CAMKMT: variants seen among roughly 807,000 people sequenced by gnomAD.
The protein encoded by CAMKMT is calmodulin-lysine N-methyltransferase.
Under a neutral mutation model 48.0 loss-of-function variants are expected in CAMKMT, and 53 were observed. The observed-to-expected ratio is 1.10, with a 90% CI of 0.89 to 1.39. The LOEUF is 1.39. Among genes scored for constraint, CAMKMT ranks in the 40% most tolerant of loss-of-function variants. The pLI is 0.00. For synonymous variants in CAMKMT, 165 were observed against 152.3 expected, an observed-to-expected ratio of 1.08 and a Z score of -0.61; for missense variants, 428 against 402.7, an observed-to-expected ratio of 1.06 and a Z score of -0.54.
chr2:44,373,857 C>T (rs1679415984), intron 2 of CAMKMT, among the ~76,000 whole-genome samples: 2 of 152,192 alleles, frequency 1.3e-5, no homozygotes, highest in African/African-American at 4.8e-5. Context: ...GGCGCAGTGG[C>T]TCATGCCTGT....
intron 3 of CAMKMT, among the ~76,000 whole-genome samples, chr2:44,507,073 C>T (rs1190078430): frequency 1.3e-5 from 2 of 149,250 alleles, no homozygotes; most frequent in African/African-American, 4.9e-5. Flanking sequence ...TTTGTGCAAT[C>T]TTTTTTTTTT....
chr2:44,691,548 A>T (rs1290535009), intron 3 of CAMKMT, among the ~76,000 whole-genome samples: 1 of 152,232 alleles, frequency 6.6e-6, no homozygotes, highest in African/African-American at 2.4e-5. Context: ...TATTGTTGAA[A>T]TACTTGAGTA....
chr2:44,453,239 A>G (rs1667386428), intron 3 of CAMKMT, among the ~76,000 whole-genome samples: 1 of 152,058 alleles, frequency 6.6e-6, no homozygotes, highest in Non-Finnish European at 1.5e-5. Context: ...GTGCATATTT[A>G]CTTATACTCA....
chr2:44,655,463 C>G lies in CAMKMT; in HGVS notation c.377-48820C>G, dbSNP rs1219695901. ...ATGTCATTGGACCATGAACTAATCT[C>G]CCTTCCCCCTCCCCATTTTACCCAC... On this transcript the variant is annotated intron_variant, in intron 3 of 10. Coordinates refer to ENST00000378494, the MANE Select transcript of CAMKMT (RefSeq NM_024766.5). Among the ~76,000 whole-genome samples the G allele has an allele frequency of 5.3e-5, 8 of 152,272 alleles. No homozygotes were observed. In the East Asian group the frequency reaches 1.5e-3, roughly 29 times the overall value.
At chr2:44,371,067 C>T (rs575055904) in intron 1 of CAMKMT, among the ~76,000 whole-genome samples, 2 of 152,324 alleles carry the variant, frequency 1.3e-5, no homozygotes, top group Non-Finnish European at 2.9e-5. Flanking sequence ...TTACTGCAAC[C>T]TCTGCCTCCT....
At chr2:44,522,301 G>A (rs187233018) in intron 3 of CAMKMT, among the ~76,000 whole-genome samples, 3 of 151,904 alleles carry the variant, frequency 2.0e-5, no homozygotes, top group Non-Finnish European at 2.9e-5. Flanking sequence ...CACCGAGCCC[G>A]GCCCCTCTTT....
chr2:44,456,776 G>C, intron 3 of CAMKMT: 1 of 603,304 alleles, frequency 1.7e-6, no homozygotes, highest in Non-Finnish European at 2.7e-6. Flanking sequence ...TTTTCTGGGA[G>C]ATCATTAATC....
At chr2:44,770,490 TATATTA>T (rs1681058473) in intron 10 of CAMKMT, among the ~76,000 whole-genome samples, 1 of 152,254 alleles carries the variant, frequency 6.6e-6, no homozygotes, top group Non-Finnish European at 1.5e-5. Flanking sequence ...TGAGTCTCTG[TATATTA>T]GTGCATTGTG....
intron 3 of CAMKMT, among the ~76,000 whole-genome samples, chr2:44,675,056 T>C (rs575452426): frequency 1.2e-4 from 18 of 150,192 alleles, no homozygotes; most frequent in Non-Finnish European, 2.2e-4. Flanking sequence ...TTTGCAAACA[T>C]GCTCGGGATT....
chr2:44,366,154 A>G (rs1310470006), intron 1 of CAMKMT, among the ~76,000 whole-genome samples: 2 of 152,216 alleles, frequency 1.3e-5, no homozygotes, highest in East Asian at 3.8e-4. Flanking sequence ...TTTCAGCTCT[A>G]TGTTATTAGT....
At chr2:44,417,521 A>G (rs992261712) in intron 3 of CAMKMT, among the ~76,000 whole-genome samples, 19 of 152,234 alleles carry the variant, frequency 1.2e-4, no homozygotes, top group Non-Finnish European at 1.8e-4. Flanking sequence ...GAACATTCAT[A>G]TACAAGTTTT....
At chr2:44,644,312 A>G (rs1673613140) in intron 3 of CAMKMT, among the ~76,000 whole-genome samples, 2 of 152,324 alleles carry the variant, frequency 1.3e-5, no homozygotes, top group African/African-American at 2.4e-5. Context: ...ATTTTATGCC[A>G]TGCTTGGAAA....
intron 3 of CAMKMT, among the ~76,000 whole-genome samples, chr2:44,608,886 G>C (rs1260421565): frequency 6.6e-6 from 1 of 152,122 alleles, no homozygotes; most frequent in Non-Finnish European, 1.5e-5. Context: ...CCTCTAAGCT[G>C]TTAGTTTCAG....
Position 44,544,995 on chromosome 2 carries a change from C to T in CAMKMT, c.376+154690C>T, listed in dbSNP as rs532696584. Among the ~76,000 whole-genome samples the T allele has an allele frequency of 6.6e-5, 10 of 152,246 alleles. No individual in the cohort carries two copies. The South Asian group carries it at 2.1e-3, about 32-fold the overall frequency. On this transcript the variant is annotated intron_variant, in intron 3 of 10. Coordinates refer to ENST00000378494, the MANE Select transcript of CAMKMT (RefSeq NM_024766.5). The stretch of plus-strand genomic sequence containing the variant: ...ATTTACTTTTTAGATAAAAGCTAAT[C>T]AATGAGGACATAATACACTGGTCCA...
At chr2:44,575,628 G>C (rs1669175670) in intron 3 of CAMKMT, among the ~76,000 whole-genome samples, 1 of 152,026 alleles carries the variant, frequency 6.6e-6, no homozygotes, top group Non-Finnish European at 1.5e-5. Context: ...TCAGCACTAT[G>C]GGAGACTGAG....
chr2:44,403,660 A>G (rs555301757), intron 3 of CAMKMT, among the ~76,000 whole-genome samples: 1 of 152,318 alleles, frequency 6.6e-6, no homozygotes, highest in African/African-American at 2.4e-5. Context: ...GGAAGCTAAT[A>G]GGTAGATTCA....
chr2:44,759,762 C>A (rs1680534781), intron 9 of CAMKMT, among the ~76,000 whole-genome samples: 1 of 152,052 alleles, frequency 6.6e-6, no homozygotes, highest in Admixed American at 6.6e-5. Flanking sequence ...TAATATCTAC[C>A]CAGATGCTGT....
intron 3 of CAMKMT, among the ~76,000 whole-genome samples, chr2:44,610,196 G>A (rs1346260727): frequency 2.6e-5 from 4 of 151,988 alleles, no homozygotes; most frequent in African/African-American, 7.2e-5. Context: ...AGTCTCTGAG[G>A]AAAAAAGGAA....
At chr2:44,405,250 C>A (rs1682701242) in intron 3 of CAMKMT, among the ~76,000 whole-genome samples, 1 of 152,030 alleles carries the variant, frequency 6.6e-6, no homozygotes, top group South Asian at 2.1e-4. Flanking sequence ...TTAAATATAG[C>A]ACTATTTGGA....
Sources: allele counts gnomAD v4.1 joint callset (sites outside exome capture counted in the v4.1 genomes callset), GRCh38; gene constraint gnomAD v4.1.1; transcripts MANE v1.5; gene names NCBI Gene and HGNC (gene_info 2026-07-23, HGNC 2026-07-21).